The following ZYG11B variants were observed in gnomAD, a reference collection of about 807,000 sequenced individuals.
ZYG11B encodes the protein protein zyg-11 homolog B.
A neutral mutation model predicts 82.4 loss-of-function variants in ZYG11B; 36 were observed. That is an observed-to-expected ratio of 0.44 (90% CI 0.33 to 0.58). The LOEUF is 0.58. Among genes scored for constraint, ZYG11B ranks in the 20% least tolerant of loss-of-function variants. The pLI is 0.02. For missense variants in ZYG11B, 552 were observed against 895.6 expected (o/e 0.62, Z 4.90); for synonymous variants, 303 against 312.8 (o/e 0.97, Z 0.33).
At chr1:52,766,890 C>A (rs1644694331) in intron 2 of ZYG11B, among the ~76,000 whole-genome samples, 1 of 152,016 alleles carries the variant, frequency 6.6e-6, no homozygotes, top group Admixed American at 6.6e-5. Flanking sequence ...TGCCTGTAGT[C>A]CCAGCTACTC....
intron 2 of ZYG11B, 36 bp downstream of exon 2, chr1:52,756,659 C>T (rs777375862): frequency 1.8e-5 from 28 of 1,579,658 alleles, no homozygotes; most frequent in African/African-American, 2.7e-5. Flanking sequence ...AAATTATGTG[C>T]TGTTAATTAG....
chr1:52,742,265 A>G (rs995811511), intron 1 of ZYG11B, among the ~76,000 whole-genome samples: 1 of 151,790 alleles, frequency 6.6e-6, no homozygotes, highest in Non-Finnish European at 1.5e-5. Context: ...AAACCTGAGC[A>G]ACATAGTAAG....
intron 1 of ZYG11B, among the ~76,000 whole-genome samples, chr1:52,745,152 C>T (rs1276806176): frequency 6.6e-6 from 1 of 152,140 alleles, no homozygotes; most frequent in Non-Finnish European, 1.5e-5. Context: ...GCTTTTAATA[C>T]ACAAAACAAA....
chr1:52,800,504 C>A (rs182010707), intron 8 of ZYG11B, among the ~76,000 whole-genome samples: 2 of 151,676 alleles, frequency 1.3e-5, no homozygotes, highest in South Asian at 4.2e-4. Flanking sequence ...GGGAGGAAAT[C>A]GAGCTTAAAG....
intron 6 of ZYG11B, among the ~76,000 whole-genome samples, chr1:52,791,378 T>C (rs897015821): frequency 1.3e-5 from 2 of 151,892 alleles, no homozygotes; most frequent in Admixed American, 1.3e-4. Flanking sequence ...TTATTTTATT[T>C]TTTTTTTGAG....
rs1370657931 is a variant in ZYG11B at position 52,820,684 on chromosome 1, C to T, written c.2045-755C>T. Among the ~76,000 whole-genome samples the T allele has an allele frequency of 2.2e-5, 3 of 138,146 alleles. No individual in the cohort carries two copies. In the South Asian group the frequency reaches 6.7e-4, roughly 31 times the overall value. The allele number at this position is 138,146 out of a possible 152,430, so 90.6% of individuals were successfully genotyped here. On this transcript the variant is annotated intron_variant, in intron 13 of 13. Transcript: ENST00000294353. ...CCACTGGGCATGAGCCATGATCACC[C>T]CAGCCTGGGCAACAGAATGAGACTG... is the stretch of plus-strand genomic sequence containing the variant.
intron 3 of ZYG11B, among the ~76,000 whole-genome samples, chr1:52,778,016 T>G (rs1644823530): frequency 6.6e-6 from 1 of 152,216 alleles, no homozygotes; most frequent in South Asian, 2.1e-4. Flanking sequence ...TAACAGAACT[T>G]TGTCATCTAC....
rs1558132582 is a variant in ZYG11B at position 52,783,831 on chromosome 1, C to CGTATGTACATACACGT, written c.1093-1044_1093-1043insATGTACATACACGTGT. Among the ~76,000 whole-genome samples, 213 of 72,510 alleles carry CGTATGTACATACACGT rather than the reference C, an allele frequency of 2.9e-3. 3 individuals are homozygous for CGTATGTACATACACGT. Among genetic ancestry groups the CGTATGTACATACACGT allele is most frequent in the African/African-American group, 6.9e-3 (205 of 29,774 alleles). 47.6% of individuals were successfully genotyped at this position (72,510 alleles called of 152,430 possible). A position where few individuals can be genotyped will look rare whatever the true frequency, so the allele number is the denominator to read the frequency against. On this transcript the variant is annotated intron_variant, in intron 4 of 13. Coordinates refer to ENST00000294353, the MANE Select transcript of ZYG11B (RefSeq NM_024646.3). Reference sequence around the variant, plus strand: ...ACACACACACGTATATGTATACATACGTGTGTATATGTACATACACGTGTG... The same window carrying CGTATGTACATACACGT: ...ACACACACACGTATATGTATACATACGTATGTACATACACGTGTGTGTATATGTACATACACGTGTG...
chr1:52,750,296 G>A (rs1446104104), intron 1 of ZYG11B, among the ~76,000 whole-genome samples: 1 of 149,388 alleles, frequency 6.7e-6, no homozygotes, highest in African/African-American at 2.5e-5. Context: ...TTTTGAGACG[G>A]AGTTTCACTC....
chr1:52,746,242 G>A (rs61768341), intron 1 of ZYG11B, among the ~76,000 whole-genome samples: 1,645 of 152,268 alleles, frequency 0.011, 29 homozygotes, highest in Middle Eastern at 0.017. Flanking sequence ...GTGAGCCACC[G>A]CACCTGGCGA....
intron 4 of ZYG11B, among the ~76,000 whole-genome samples, chr1:52,783,805 T>TATATATATATATATATATACACACAC (rs74185908): frequency 7.4e-6 from 1 of 135,004 alleles, no homozygotes; most frequent in African/African-American, 2.8e-5. Context: ...TATATATATA[T>TATATATATATATATATATACACACAC]ACACACACAC....
Position 52,771,923 on chromosome 1 carries a change from C to G in ZYG11B, c.951+149C>G. The G allele has an allele frequency of 2.0e-6, 2 of 982,462 alleles. No homozygotes were observed. The highest frequency in any genetic ancestry group is 1.5e-6 in the Non-Finnish European group (1 of 675,344). The allele number at this position is 982,462 out of a possible 1,614,324, so 60.9% of individuals were successfully genotyped here. ...AAAGGCTTAGAGTCCTAATTAAAATCTCAGCTTCATGACCCAGAACAAGCT... is the reference window on the plus strand; with the variant it reads ...AAAGGCTTAGAGTCCTAATTAAAATGTCAGCTTCATGACCCAGAACAAGCT... On this transcript the variant is annotated intron_variant, in intron 3 of 13. Coordinates refer to ENST00000294353, the MANE Select transcript of ZYG11B (RefSeq NM_024646.3). The surrounding 1 kb of genome is among the most constrained non-coding windows in gnomAD (Gnocchi z 5.4).
intron 1 of ZYG11B, 70 bp downstream of exon 1, chr1:52,726,753 TG>T: frequency 7.3e-7 from 1 of 1,377,022 alleles, no homozygotes; most frequent in South Asian, 1.5e-5. Context: ...CGCTGGCCCC[TG>T]CGGTCTTGCC....
At chr1:52,812,808 C>T (rs530022940) in intron 10 of ZYG11B, among the ~76,000 whole-genome samples, 14 of 152,110 alleles carry the variant, frequency 9.2e-5, no homozygotes, top group African/African-American at 2.7e-4. Context: ...CTCACTGTAA[C>T]CTCTGCCTCC....
Position 52,789,525 on chromosome 1 carries a change from G to T in ZYG11B, c.1270-478G>T, listed in dbSNP as rs573077273. Among the ~76,000 whole-genome samples the T allele has an allele frequency of 1.1e-4, 16 of 152,124 alleles. No individual in the cohort carries two copies. The South Asian group carries it at 3.3e-3, about 32-fold the overall frequency. ...TATTTTCATTTACTCTTGTTTAATT[G>T]TGCTGGTCTAAACTTTATTTAAAAG... On this transcript the variant is annotated intron_variant, in intron 5 of 13. Coordinates refer to ENST00000294353, the MANE Select transcript of ZYG11B (RefSeq NM_024646.3).
chr1:52,756,663 T>G (rs757020907), intron 2 of ZYG11B, 40 bp downstream of exon 2: 2 of 1,575,872 alleles, frequency 1.3e-6, no homozygotes, highest in South Asian at 2.3e-5. Context: ...TATGTGCTGT[T>G]AATTAGATTT....
chr1:52,824,791 G>A lies in ZYG11B; in HGVS notation c.*3162G>A, dbSNP rs900009580. 1 of 152,184 alleles carries A rather than the reference G, an allele frequency of 6.6e-6. No homozygotes were observed. The highest frequency in any genetic ancestry group is 1.5e-5 in the Non-Finnish European group (1 of 68,030). The allele number at this position is 152,184 out of a possible 1,614,324, so 9.4% of individuals were successfully genotyped here. A position where few individuals can be genotyped will look rare whatever the true frequency, so the allele number is the denominator to read the frequency against. The stretch of plus-strand genomic sequence containing the variant: ...TCTGGCTAAAATACAGTGGATGTAT[G>A]TATTGGAATTATGAGGCATAAGTAG... On this transcript the variant is annotated 3_prime_UTR_variant, in exon 14 of 14. Transcript: ENST00000294353.
chr1:52,730,965 G>C (rs1644326876), intron 1 of ZYG11B, among the ~76,000 whole-genome samples: 1 of 151,986 alleles, frequency 6.6e-6, no homozygotes, highest in South Asian at 2.1e-4. Context: ...TAAATTGTAG[G>C]AGTTATGTAA....
chr1:52,770,992 A>G (rs1209250988), intron 2 of ZYG11B, 28 bp from the exon 3 acceptor site: 1 of 1,573,796 alleles, frequency 6.4e-7, no homozygotes, highest in Non-Finnish European at 8.6e-7. Context: ...TGTTTTTTGA[A>G]TTTAAAACGC....
Sources: gnomAD v4.1 joint callset for allele counts (sites outside exome capture counted in the v4.1 genomes callset) on GRCh38, gnomAD v4.1.1 for gene constraint, Gnocchi (gnomAD v3.1) non-coding constraint, MANE v1.5 for transcripts, NCBI Gene and HGNC (gene_info 2026-07-23, HGNC 2026-07-21) for gene names.